The following CHD7 variants were observed in gnomAD, a reference collection of about 807,000 sequenced individuals.
The protein encoded by CHD7 is chromodomain helicase DNA binding protein 7.
A neutral mutation model predicts 307.3 loss-of-function variants in CHD7; 24 were observed. The ratio of observed to expected loss-of-function variants is 0.08; its 90% CI spans 0.06 to 0.11. The LOEUF (loss-of-function observed/expected upper bound fraction) is 0.11, where lower values mean the gene tolerates loss of function less well. CHD7 is among the 10% of genes least tolerant of loss of function. The pLI is 1.00. For synonymous variants in CHD7, 1,363 were observed against 1,349.9 expected, an observed-to-expected ratio of 1.01 and a Z score of -0.21; for missense variants, 3,106 against 3,727.1, an observed-to-expected ratio of 0.83 and a Z score of 4.34.
intron 2 of CHD7, among the ~76,000 whole-genome samples, chr8:60,745,419 T>A (rs1294859390): frequency 6.6e-6 from 1 of 152,110 alleles, no homozygotes; most frequent in Non-Finnish European, 1.5e-5. Flanking sequence ...TCAGAGGACA[T>A]GTGTGAGTCT....
intron 19 of CHD7, among the ~76,000 whole-genome samples, chr8:60,841,178 T>G (rs1804953928): frequency 6.6e-6 from 1 of 152,236 alleles, no homozygotes; most frequent in African/African-American, 2.4e-5. Flanking sequence ...GGCTTCTCTC[T>G]CCCTCACCAG....
chr8:60,683,079 G>A (rs1805711029), intron 1 of CHD7, among the ~76,000 whole-genome samples: 1 of 152,110 alleles, frequency 6.6e-6, no homozygotes, highest in Non-Finnish European at 1.5e-5. Flanking sequence ...GCATATTTGT[G>A]TATCTTAAAA....
rs111712106 is a variant in CHD7, at chr8:60,816,571, T to C, written c.2613+70T>C. On this transcript the variant is annotated intron_variant, in intron 8 of 37. Transcript: ENST00000423902. ...AATGTTCTAAATTTAAAATTTTAGT[T>C]CCATGAATTAAGAAAAACTAGTTAG... 6.9e-5 allele frequency: 64 copies of C among 930,408 alleles called. No individual in the cohort carries two copies. In the Middle Eastern group the frequency reaches 7.7e-4, roughly 11 times the overall value. The allele number at this position is 930,408 out of a possible 1,614,324, so 57.6% of individuals were successfully genotyped here.
At chr8:60,748,219 T>C (rs1161045436) in intron 2 of CHD7, among the ~76,000 whole-genome samples, 1 of 152,150 alleles carries the variant, frequency 6.6e-6, no homozygotes, top group African/African-American at 2.4e-5. Context: ...TGGGAGGGCT[T>C]TCTGGGGGCA....
intron 3 of CHD7, among the ~76,000 whole-genome samples, chr8:60,784,978 A>C (rs532780691): frequency 1.3e-5 from 2 of 152,176 alleles, no homozygotes; most frequent in Non-Finnish European, 2.9e-5. Context: ...ACAGCTTTCA[A>C]ATATTCGTTG....
At chr8:60,822,452 T>C in intron 11 of CHD7, 51 bp from the exon 12 acceptor site, 1 of 1,557,464 alleles carries the variant, frequency 6.4e-7, no homozygotes, top group Non-Finnish European at 8.8e-7. Flanking sequence ...ATGACAGCAG[T>C]GTGTCATATC....
At chr8:60,754,052 T>A (rs1164214895) in intron 2 of CHD7, among the ~76,000 whole-genome samples, 1 of 152,160 alleles carries the variant, frequency 6.6e-6, no homozygotes, top group Non-Finnish European at 1.5e-5. Context: ...AAGTGTCAGT[T>A]TATTTCTTTC....
At chr8:60,814,365 C>G (rs1035505642) in intron 7 of CHD7, among the ~76,000 whole-genome samples, 1 of 152,240 alleles carries the variant, frequency 6.6e-6, no homozygotes, top group African/African-American at 2.4e-5. Flanking sequence ...AGAATACTAA[C>G]TGACTGACTG....
At chr8:60,763,996 CT>C (rs1008368981) in intron 2 of CHD7, among the ~76,000 whole-genome samples, 1 of 151,390 alleles carries the variant, frequency 6.6e-6, no homozygotes, top group African/African-American at 2.4e-5. Context: ...TTTGTTCTTT[CT>C]TTTTTTTTGA....
chr8:60,762,269 A>G (rs1810251183), intron 2 of CHD7, among the ~76,000 whole-genome samples: 1 of 152,176 alleles, frequency 6.6e-6, no homozygotes, highest in Non-Finnish European at 1.5e-5. Context: ...TCTGGCACAT[A>G]ACACTCACCC....
chr8:60,801,040 A>G (rs1812286870), intron 5 of CHD7, among the ~76,000 whole-genome samples: 1 of 152,234 alleles, frequency 6.6e-6, no homozygotes, highest in African/African-American at 2.4e-5. Context: ...CTAAAAAAAT[A>G]ATGCTTTTTT....
intron 1 of CHD7, among the ~76,000 whole-genome samples, chr8:60,714,436 C>T (rs896841556): frequency 2.2e-5 from 3 of 134,718 alleles, no homozygotes; most frequent in African/African-American, 8.0e-5. Flanking sequence ...CCGCCCCGCA[C>T]ACCGCCAGGC....
At chr8:60,838,326 A>T in intron 19 of CHD7, 71 bp downstream of exon 19, 1 of 1,375,628 alleles carries the variant, frequency 7.3e-7, no homozygotes, top group African/African-American at 1.4e-5. Flanking sequence ...AGTACCTTGT[A>T]AAAGTGCTTA....
chr8:60,822,652 G>A lies in CHD7; in HGVS notation c.3107G>A (p.Arg1036Gln), dbSNP rs1804099380. The change falls in exon 12 of 38, where the codon CGA (arginine) becomes CAA (glutamine). Residue 1036 changes from arginine to glutamine, a missense_variant. This residue lies in a region of CHD7 where 232 missense variants were observed against 422.5 expected (regional missense o/e 0.55). Transcript: ENST00000423902. The stretch of plus-strand genomic sequence containing the variant: ...ATCCCCAACTGGGAAAGGGAATTCC[G>A]AACCTGGACAGAGTTGAACGTGGTT... ...STIPNWEREF[R>Q]TWTELNVVVY... is the part of the protein sequence containing the mutation. The A allele has an allele frequency of 6.2e-7, 1 of 1,613,836 alleles. No homozygotes were observed. Among genetic ancestry groups the A allele is most frequent in the Non-Finnish European group, 8.5e-7 (1 of 1,179,774 alleles).
intron 30 of CHD7, 52 bp from the exon 31 acceptor site, chr8:60,852,777 T>C: frequency 6.2e-7 from 1 of 1,609,042 alleles, no homozygotes; most frequent in Non-Finnish European, 8.5e-7. Flanking sequence ...GTGTACAATG[T>C]AGAATGCCCT....
intron 1 of CHD7, among the ~76,000 whole-genome samples, chr8:60,733,237 TAAA>T (rs11346238): frequency 4.8e-5 from 7 of 145,994 alleles, no homozygotes; most frequent in Non-Finnish European, 7.5e-5. Context: ...CCCTGTCTCT[TAAA>T]AAAAAAAAAA....
At chr8:60,801,120 A>G (rs11985262) in intron 5 of CHD7, among the ~76,000 whole-genome samples, 3,591 of 152,314 alleles carry the variant, frequency 0.024, 142 homozygotes, top group African/African-American at 0.082. Context: ...AAGTTGTTAC[A>G]TAATGTTTTA....
At chr8:60,761,862 C>A (rs1014990059) in intron 2 of CHD7, among the ~76,000 whole-genome samples, 2 of 152,078 alleles carry the variant, frequency 1.3e-5, no homozygotes, top group Non-Finnish European at 2.9e-5. Context: ...AAAGTAAGAT[C>A]TTCAGGAGCC....
At chr8:60,851,757 T>C (rs1466991830) in intron 28 of CHD7, among the ~76,000 whole-genome samples, 1 of 152,240 alleles carries the variant, frequency 6.6e-6, no homozygotes, top group East Asian at 1.9e-4. Flanking sequence ...GAGTACCTTA[T>C]AAGAAGTTTA....
Sources: gnomAD v4.1 joint callset for allele counts (sites outside exome capture counted in the v4.1 genomes callset) on GRCh38, gnomAD v4.1.1 for gene constraint, gnomAD v4.1.1 regional missense constraint, MANE v1.5 for transcripts, NCBI Gene and HGNC (gene_info 2026-07-23, HGNC 2026-07-21) for gene names.